Variants in PRAMEF20 observed in about 807,000 individuals in gnomAD.
PRAMEF20 encodes PRAME family member 20.
In PRAMEF20, 27 loss-of-function variants were observed where a neutral mutation model predicts 32.4. The observed-to-expected ratio is 0.83, with a 90% CI of 0.61 to 1.15. PRAMEF20 has a LOEUF of 1.15. Ranked by LOEUF, PRAMEF20 falls within the 50% of genes most tolerant of loss-of-function variation. The pLI, the probability that PRAMEF20 is intolerant of heterozygous loss-of-function variation, is 0.00. For missense variants in PRAMEF20, 604 were observed against 584.5 expected, an observed-to-expected ratio of 1.03 and a Z score of -0.34; for synonymous variants, 256 against 235.4, an observed-to-expected ratio of 1.09 and a Z score of -0.80.
intron 2 of PRAMEF20, among the ~76,000 whole-genome samples, chr1:13,420,284 C>T (rs888624145): frequency 3.3e-5 from 5 of 152,308 alleles, no homozygotes; most frequent in Admixed American, 1.3e-4. Context: ...GATCTCTGCT[C>T]ACTGCAACTT....
upstream of PRAMEF20, among the ~76,000 whole-genome samples, chr1:13,413,991 G>C (rs1641137343): frequency 6.6e-6 from 1 of 151,912 alleles, no homozygotes; most frequent in Non-Finnish European, 1.5e-5. Context: ...TTATGCTTTG[G>C]TTTTTGCCAT....
rs963516693 is a variant in PRAMEF20 at position 13,416,656 on chromosome 1, G to C, written c.287+15G>C. The C allele has an allele frequency of 1.2e-6, 2 of 1,613,868 alleles. No individual in the cohort carries two copies. Among genetic ancestry groups the C allele is most frequent in the African/African-American group, 2.7e-5 (2 of 74,930 alleles). On this transcript the variant is annotated intron_variant, in intron 1 of 2. Coordinates refer to ENST00000602960, the Ensembl canonical transcript of PRAMEF20. ...GTTCGTCTCAGGTGAGGTGGCCCAA[G>C]TGGGCTGGTGGGGAGGGCCCAGGTG...
chr1:13,415,639 G>A (rs1641160530), upstream of PRAMEF20, among the ~76,000 whole-genome samples: 1 of 151,914 alleles, frequency 6.6e-6, no homozygotes. Context: ...AAAACTAAAA[G>A]GTTAGCTGGG....
exon 3 of PRAMEF20, chr1:13,421,047 A>G: frequency 6.2e-7 from 1 of 1,613,876 alleles, no homozygotes; most frequent in South Asian, 1.1e-5. Context: ...AGACTCAACA[A>G]CTTATGCCTG....
At position 13,418,507 on chromosome 1, in the gene PRAMEF20, AC is replaced by A; in HGVS notation, c.677del (p.Pro226HisfsTer6). ...GACACTGCCCGTCCTGGCAGAGTTT[AC>A]CCCATACCTCGGCCAGATGAGGAAT... On this transcript the variant is annotated frameshift_variant, in exon 2 of 3. Transcript: ENST00000602960. LOFTEE classifies it high-confidence loss of function. 1 of 1,613,890 alleles carries A rather than the reference AC, an allele frequency of 6.2e-7. No homozygotes were observed. The highest frequency in any genetic ancestry group is 8.5e-7 in the Non-Finnish European group (1 of 1,179,854).
At chr1:13,415,787 C>CAA (rs1395542081), upstream of PRAMEF20, among the ~76,000 whole-genome samples, 3 of 33,814 alleles carry the variant, frequency 8.9e-5, no homozygotes, top group African/African-American at 2.0e-4. Context: ...AAGACCCTGG[C>CAA]AAAAAAAAGA....
intron 1 of PRAMEF20, 60 bp downstream of exon 2, chr1:13,416,701 G>C: frequency 1.2e-6 from 2 of 1,612,844 alleles, no homozygotes; most frequent in Non-Finnish European, 1.7e-6. Flanking sequence ...AGGAACAGCT[G>C]GGTCATGAGG....
chr1:13,416,592 G>C (rs1421483341), exon 1 of PRAMEF20: 1 of 1,614,036 alleles, frequency 6.2e-7, no homozygotes, highest in Non-Finnish European at 8.5e-7. Context: ...GACCTTCCAA[G>C]CTGTGCTCGA....
chr1:13,412,242 T>C (rs899095512), upstream of PRAMEF20, among the ~76,000 whole-genome samples: 24 of 152,038 alleles, frequency 1.6e-4, no homozygotes, highest in East Asian at 3.9e-3. Context: ...GGTCTCCAAC[T>C]CCTGACTTCA....
chr1:13,411,645 C>G (rs938924220), upstream of PRAMEF20, among the ~76,000 whole-genome samples: 396 of 152,280 alleles, frequency 2.6e-3, 4 homozygotes, highest in African/African-American at 9.2e-3. Flanking sequence ...GCTGGAGTCC[C>G]AGAGGCTTTG....
upstream of PRAMEF20, among the ~76,000 whole-genome samples, chr1:13,415,011 G>A (rs1641154905): frequency 6.6e-6 from 1 of 150,498 alleles, no homozygotes; most frequent in Non-Finnish European, 1.5e-5. Context: ...TATTGGTCAG[G>A]CTTGTCTTAA....
chr1:13,418,804 G>A, intron 2 of PRAMEF20, 104 bp downstream of exon 3: 9 of 1,579,858 alleles, frequency 5.7e-6, no homozygotes, highest in Non-Finnish European at 7.7e-6. Flanking sequence ...CAGTAAAGGG[G>A]ACACTAGAAT....
rs1009831017 is a variant in PRAMEF20 at position 13,416,839 on chromosome 1, A to G, written c.287+198A>G. Among the ~76,000 whole-genome samples, 1,033 of 152,338 alleles carry G rather than the reference A, an allele frequency of 6.8e-3. 15 individuals carry two copies. The highest frequency in any genetic ancestry group is 0.024 in the African/African-American group (988 of 41,584). On this transcript the variant is annotated intron_variant, in intron 1 of 2. Coordinates refer to ENST00000602960, the Ensembl canonical transcript of PRAMEF20. ...ATCACCCGGGGTCCACCGAGGTAAC[A>G]GGAACCTCTCTTCTAGTGGCACTGA... is the stretch of plus-strand genomic sequence containing the variant.
intron 1 of PRAMEF20, 40 bp downstream of exon 2, chr1:13,416,681 G>A (rs1215011629): frequency 2.5e-6 from 4 of 1,613,574 alleles, no homozygotes; most frequent in Non-Finnish European, 3.4e-6. Flanking sequence ...GGGCCCAGGT[G>A]TCCAACAGAA....
At chr1:13,410,677 G>T in the PRAMEF20 span, 1 of 146,618 alleles carries the variant, frequency 6.8e-6, no homozygotes, top group Non-Finnish European at 1.5e-5. Flanking sequence ...TTTAAATGCA[G>T]TTTTGTCTTC....
chr1:13,410,830 G>T, the PRAMEF20 span, among the ~76,000 whole-genome samples: 1 of 151,622 alleles, frequency 6.6e-6, no homozygotes, highest in East Asian at 1.9e-4. Context: ...ACCAATCTGG[G>T]CAACATGGCA....
upstream of PRAMEF20, among the ~76,000 whole-genome samples, chr1:13,413,317 C>G (rs1641131857): frequency 6.6e-6 from 1 of 152,156 alleles, no homozygotes; most frequent in Non-Finnish European, 1.5e-5. Context: ...TCAGGATTAA[C>G]TGGGTGGAGC....
At chr1:13,419,449 C>CA (rs1476477180) in intron 2 of PRAMEF20, among the ~76,000 whole-genome samples, 3 of 151,792 alleles carry the variant, frequency 2.0e-5, no homozygotes, top group African/African-American at 7.3e-5. Flanking sequence ...ACACCCGACC[C>CA]AAAAACAAGA....
At position 13,416,587 on chromosome 1, in the gene PRAMEF20, TC is replaced by T; in HGVS notation, c.235del (p.Gln79LysfsTer51). On this transcript the variant is annotated frameshift_variant, in exon 1 of 3. Coordinates refer to ENST00000602960, the Ensembl canonical transcript of PRAMEF20. LOFTEE classifies it high-confidence loss of function. ...ATGAAAAGGCCTTGCCCAGAGACCT[TC>T]CAAGCTGTGCTCGATGGGCTTGATG... The T allele has an allele frequency of 6.2e-7, 1 of 1,614,098 alleles. No individual in the cohort carries two copies. Among genetic ancestry groups the T allele is most frequent in the South Asian group, 1.1e-5 (1 of 91,072 alleles).
Sources: gnomAD v4.1 joint callset for allele counts (sites outside exome capture counted in the v4.1 genomes callset) on GRCh38, gnomAD v4.1.1 for gene constraint, MANE v1.5 for transcripts, NCBI Gene and HGNC (gene_info 2026-07-23, HGNC 2026-07-21) for gene names.